The following MAP3K13 variants were observed in gnomAD, a reference collection of about 807,000 sequenced individuals.
MAP3K13 encodes leucine zipper-bearing kinase.
A neutral mutation model predicts 104.0 loss-of-function variants in MAP3K13; 52 were observed. The ratio of observed to expected loss-of-function variants is 0.50; its 90% CI spans 0.40 to 0.63. The LOEUF (loss-of-function observed/expected upper bound fraction) is 0.63, where lower values mean the gene tolerates loss of function less well. MAP3K13 is among the 20% of genes least tolerant of loss of function. MAP3K13 has a pLI of 0.00. For synonymous variants in MAP3K13, 394 were observed against 442.2 expected, an observed-to-expected ratio of 0.89 and a Z score of 1.37; for missense variants, 914 against 1,218.5, an observed-to-expected ratio of 0.75 and a Z score of 3.72.
At chr3:185,438,415 C>T (rs547476002) in intron 3 of MAP3K13, among the ~76,000 whole-genome samples, 77 of 152,184 alleles carry the variant, frequency 5.1e-4, no homozygotes, top group African/African-American at 1.8e-3. Flanking sequence ...TGTTAGCATC[C>T]CTTCTTAAAC....
intron 2 of MAP3K13, among the ~76,000 whole-genome samples, chr3:185,346,263 A>T (rs1200696534): frequency 2.0e-5 from 3 of 152,240 alleles, no homozygotes; most frequent in African/African-American, 4.8e-5. Flanking sequence ...TCCCAAAAGC[A>T]ATACATTTGT....
intron 1 of MAP3K13, among the ~76,000 whole-genome samples, chr3:185,414,141 T>C (rs973344920): frequency 2.0e-5 from 3 of 152,224 alleles, no homozygotes; most frequent in Admixed American, 6.5e-5. Context: ...AGCCTATCTG[T>C]GCCCCAATTT....
At chr3:185,314,074 C>G (rs571249159) in intron 2 of MAP3K13, among the ~76,000 whole-genome samples, 1 of 152,328 alleles carries the variant, frequency 6.6e-6, no homozygotes, top group South Asian at 2.1e-4. Context: ...CTCCTCTGCA[C>G]GCTGTGCACT....
intron 2 of MAP3K13, among the ~76,000 whole-genome samples, chr3:185,336,529 G>A (rs1380995362): frequency 1.4e-5 from 2 of 144,918 alleles, no homozygotes; most frequent in East Asian, 2.0e-4. Context: ...GTGACAGAGT[G>A]AGACTCTGTC....
intron 1 of MAP3K13, among the ~76,000 whole-genome samples, chr3:185,399,626 C>CGGGGCGG (rs1452317066): frequency 0.064 from 20 of 312 alleles, 9 homozygotes; most frequent in Admixed American, 0.17. Flanking sequence ...GAGAGAAAGG[C>CGGGGCGG]GGGGGGGGGG....
At chr3:185,474,022 A>G (rs771103125) in intron 11 of MAP3K13, among the ~76,000 whole-genome samples, 1 of 152,214 alleles carries the variant, frequency 6.6e-6, no homozygotes, top group African/African-American at 2.4e-5. Context: ...TTTATAGATA[A>G]CTATATACTG....
At chr3:185,349,915 A>T (rs956353189) in intron 2 of MAP3K13, among the ~76,000 whole-genome samples, 1 of 152,232 alleles carries the variant, frequency 6.6e-6, no homozygotes, top group Non-Finnish European at 1.5e-5. Flanking sequence ...AGCTTAGAAG[A>T]CAGGTTTCTA....
At chr3:185,417,924 A>G (rs1390157595) in intron 1 of MAP3K13, 1 of 1,604,418 alleles carries the variant, frequency 6.2e-7, no homozygotes, top group East Asian at 2.2e-5. Context: ...GATCTGTATT[A>G]ATCAACTTGT....
At chr3:185,416,828 G>T (rs1713808149) in intron 1 of MAP3K13, among the ~76,000 whole-genome samples, 2 of 146,754 alleles carry the variant, frequency 1.4e-5, no homozygotes, top group Non-Finnish European at 3.0e-5. Context: ...TCACTGTGTT[G>T]CCCAGGCTGG....
chr3:185,391,860 AT>A (rs1291494397), intron 1 of MAP3K13, among the ~76,000 whole-genome samples: 1 of 152,212 alleles, frequency 6.6e-6, no homozygotes, highest in Non-Finnish European at 1.5e-5. Context: ...TATCTGTAAA[AT>A]AAAAACCTAA....
chr3:185,289,217 T>C (rs1720645632), intron 2 of MAP3K13, among the ~76,000 whole-genome samples: 1 of 152,166 alleles, frequency 6.6e-6, no homozygotes. Context: ...TGAGAGGCAG[T>C]GAACTCCTGG....
At chr3:185,367,431 T>C (rs1723942911) in intron 1 of MAP3K13, among the ~76,000 whole-genome samples, 1 of 152,046 alleles carries the variant, frequency 6.6e-6, no homozygotes, top group Admixed American at 6.6e-5. Flanking sequence ...AGCGAAAACA[T>C]AGCATTCTGA....
Position 185,428,790 on chromosome 3 carries a change from C to A in MAP3K13, c.209C>A (p.Thr70Lys). The change falls in exon 2 of 14, where the codon ACG (threonine) becomes AAG (lysine). Residue 70 changes from threonine (T) to lysine (K), a missense_variant. Transcript: ENST00000265026. ...AGCCCCGTCACCACAACAGTGTTGA[C>A]GAGCGTAAGTGAGGATTCCAGGGAC... ...VHSPVTTTVL[T>K]SVSEDSRDQF... The A allele has an allele frequency of 6.2e-7, 1 of 1,614,092 alleles. No homozygotes were observed. Among genetic ancestry groups the A allele is most frequent in the Non-Finnish European group, 8.5e-7 (1 of 1,180,008 alleles).
chr3:185,394,873 C>T (rs1712287664), intron 1 of MAP3K13, among the ~76,000 whole-genome samples: 1 of 152,026 alleles, frequency 6.6e-6, no homozygotes, highest in African/African-American at 2.4e-5. Context: ...GTTATTTAAC[C>T]TCTCTGTACC....
chr3:185,357,689 T>C (rs1046859671), intron 2 of MAP3K13, among the ~76,000 whole-genome samples: 24 of 152,128 alleles, frequency 1.6e-4, no homozygotes, highest in African/African-American at 5.5e-4. Context: ...AATTGAGAAA[T>C]CCATCTGCTT....
intron 1 of MAP3K13, among the ~76,000 whole-genome samples, chr3:185,284,761 A>C (rs1720448703): frequency 1.3e-5 from 2 of 151,590 alleles, no homozygotes; most frequent in Admixed American, 6.6e-5. Flanking sequence ...TAAAATTTAA[A>C]AAATAAAAAT....
Position 185,473,253 on chromosome 3 carries a change from A to G in MAP3K13, c.1922A>G (p.Tyr641Cys). The change falls in exon 11 of 14, where the codon TAC becomes TGC. Residue 641 changes from tyrosine to cysteine, a missense_variant. Around this residue, in one of 3 missense-constraint regions of MAP3K13, gnomAD observed 583 missense variants for 737.4 expected, o/e 0.79. Transcript: ENST00000265026. The surrounding 1 kb of genome is among the most constrained non-coding windows in gnomAD (Gnocchi z 4.9). ...LHHHNSLQQQ[Y>C]QQPPPAMSQS... Reference sequence around the variant, plus strand: ...CACCATAATTCTCTGCAGCAGCAATACCAGCAGCCCCCTCCTGCCATGTCC... The same window carrying G: ...CACCATAATTCTCTGCAGCAGCAATGCCAGCAGCCCCCTCCTGCCATGTCC... 1 of 1,614,186 alleles carries G rather than the reference A, an allele frequency of 6.2e-7. No individual in the cohort carries two copies. Among genetic ancestry groups the G allele is most frequent in the Admixed American group, 1.7e-5 (1 of 60,026 alleles).
rs894082729 is a variant in MAP3K13 at position 185,483,280 on chromosome 3, T to C, written c.*824T>C. 2.6e-5 allele frequency: 6 copies of C among 232,232 alleles called. No homozygotes were observed. Among genetic ancestry groups the C allele is most frequent in the Non-Finnish European group, 5.1e-5 (6 of 117,438 alleles). 14.4% of individuals were successfully genotyped at this position (232,232 alleles called of 1,614,324 possible). A position where few individuals can be genotyped will look rare whatever the true frequency, so the allele number is the denominator to read the frequency against. The stretch of plus-strand genomic sequence containing the variant: ...ATCTTGTTTTTGGCAAATACGTCCC[T>C]TTTTAGTGCTGTCACTGTCATTACC... On this transcript the variant is annotated 3_prime_UTR_variant, in exon 14 of 14. Transcript: ENST00000265026.
chr3:185,481,902 G>GTGAAACCC (rs1718480199), intron 13 of MAP3K13, among the ~76,000 whole-genome samples: 1 of 152,214 alleles, frequency 6.6e-6, no homozygotes, highest in African/African-American at 2.4e-5. Context: ...GGCTAACACA[G>GTGAAACCC]TGAAACCCTG....
Sources: allele counts gnomAD v4.1 joint callset (sites outside exome capture counted in the v4.1 genomes callset), GRCh38; gene constraint gnomAD v4.1.1; regional missense constraint gnomAD v4.1.1; non-coding constraint Gnocchi (gnomAD v3.1); transcripts MANE v1.5; gene names NCBI Gene and HGNC (gene_info 2026-07-23, HGNC 2026-07-21).